The following SCAMP1 variants were observed in gnomAD, a reference collection of about 807,000 sequenced individuals.
The protein encoded by SCAMP1 is secretory carrier membrane protein 1.
A neutral mutation model predicts 41.8 loss-of-function variants in SCAMP1; 15 were observed. That is an observed-to-expected ratio of 0.36 (90% CI 0.24 to 0.55). SCAMP1 has a LOEUF of 0.55. SCAMP1 is among the 20% of genes least tolerant of loss of function. The pLI is 0.86. For synonymous variants in SCAMP1, 135 were observed against 136.8 expected, an observed-to-expected ratio of 0.99 and a Z score of 0.09; for missense variants, 341 against 412.6, an observed-to-expected ratio of 0.83 and a Z score of 1.50.
chr5:78,436,631 T>A (rs1022490131), intron 6 of SCAMP1, among the ~76,000 whole-genome samples: 3 of 152,248 alleles, frequency 2.0e-5, no homozygotes, highest in Non-Finnish European at 4.4e-5. Context: ...TGTAGCCTTG[T>A]AGTATAGTTT....
At chr5:78,426,531 A>T (rs1752475005) in intron 6 of SCAMP1, among the ~76,000 whole-genome samples, 1 of 152,182 alleles carries the variant, frequency 6.6e-6, no homozygotes, top group Admixed American at 6.5e-5. Flanking sequence ...GCGTTTCTCT[A>T]ATGACCAGTG....
intron 6 of SCAMP1, among the ~76,000 whole-genome samples, chr5:78,436,852 A>G (rs1752770182): frequency 6.6e-6 from 1 of 152,298 alleles, no homozygotes; most frequent in East Asian, 1.9e-4. Flanking sequence ...CTTCCTATAC[A>G]TGGGCATGGA....
chr5:78,441,356 A>G (rs963045346), intron 6 of SCAMP1, among the ~76,000 whole-genome samples: 1 of 152,214 alleles, frequency 6.6e-6, no homozygotes, highest in Non-Finnish European at 1.5e-5. Flanking sequence ...TAAAGTTTTG[A>G]TAGTTGATTT....
intron 2 of SCAMP1, among the ~76,000 whole-genome samples, chr5:78,408,441 C>T (rs907738334): frequency 1.1e-4 from 17 of 152,266 alleles, no homozygotes; most frequent in African/African-American, 4.1e-4. Context: ...ACCCATGTCA[C>T]CTGGTTTTAA....
chr5:78,414,160 T>C (rs574166475), intron 2 of SCAMP1, among the ~76,000 whole-genome samples: 2 of 152,182 alleles, frequency 1.3e-5, no homozygotes, highest in Admixed American at 1.3e-4. Context: ...CCGTCTGATA[T>C]CAGGTGGCCG....
At chr5:78,408,634 T>G (rs1751992371) in intron 2 of SCAMP1, among the ~76,000 whole-genome samples, 1 of 152,152 alleles carries the variant, frequency 6.6e-6, no homozygotes, top group Admixed American at 6.6e-5. Flanking sequence ...AGGATCTTGC[T>G]CTGTTGCCTA....
intron 6 of SCAMP1, among the ~76,000 whole-genome samples, chr5:78,422,340 C>T (rs1161697788): frequency 6.7e-6 from 1 of 150,186 alleles, no homozygotes; most frequent in Non-Finnish European, 1.5e-5. Flanking sequence ...TTAAATTAAC[C>T]TAAGTAAGGT....
At chr5:78,376,405 G>A (rs999718726) in intron 1 of SCAMP1, among the ~76,000 whole-genome samples, 3 of 152,190 alleles carry the variant, frequency 2.0e-5, no homozygotes, top group Admixed American at 2.0e-4. Context: ...CAGGTGTATA[G>A]CACATCTATA....
chr5:78,467,924 A>G (rs1753785933), intron 8 of SCAMP1, among the ~76,000 whole-genome samples: 1 of 152,212 alleles, frequency 6.6e-6, no homozygotes, highest in Non-Finnish European at 1.5e-5. Flanking sequence ...GGTATGTAGC[A>G]GTATTTATAA....
intron 7 of SCAMP1, among the ~76,000 whole-genome samples, chr5:78,454,569 G>A (rs1314016593): frequency 6.6e-6 from 1 of 151,998 alleles, no homozygotes; most frequent in Non-Finnish European, 1.5e-5. Flanking sequence ...TTGATGTGCT[G>A]CTGGATTCGT....
intron 6 of SCAMP1, among the ~76,000 whole-genome samples, chr5:78,425,426 C>T (rs1269699683): frequency 6.6e-6 from 1 of 152,174 alleles, no homozygotes; most frequent in Non-Finnish European, 1.5e-5. Context: ...AATTTTTGCT[C>T]ATTCTCTAGC....
chr5:78,425,355 T>G (rs1255431247), intron 6 of SCAMP1, among the ~76,000 whole-genome samples: 3 of 152,230 alleles, frequency 2.0e-5, no homozygotes, highest in Non-Finnish European at 4.4e-5. Context: ...TCAATACCGC[T>G]GAAGCACTGG....
chr5:78,443,377 A>G (rs1211504436), intron 6 of SCAMP1, among the ~76,000 whole-genome samples: 1 of 152,042 alleles, frequency 6.6e-6, no homozygotes, highest in East Asian at 1.9e-4. Context: ...TGGGTGTTGT[A>G]AGGTTTGAAT....
intron 2 of SCAMP1, among the ~76,000 whole-genome samples, chr5:78,406,377 T>C (rs1205436613): frequency 6.6e-6 from 1 of 152,090 alleles, no homozygotes; most frequent in African/African-American, 2.4e-5. Context: ...TGTTTTTTGG[T>C]TTAGAGATGG....
At chr5:78,452,270 G>C (rs1169990652) in intron 7 of SCAMP1, among the ~76,000 whole-genome samples, 2 of 147,624 alleles carry the variant, frequency 1.4e-5, no homozygotes, top group Admixed American at 6.8e-5. Context: ...TGCCATGCTG[G>C]TGCGCTGCAC....
chr5:78,448,144 T>C (rs185643897), intron 6 of SCAMP1, among the ~76,000 whole-genome samples: 34 of 63,474 alleles, frequency 5.4e-4, no homozygotes, highest in Admixed American at 1.4e-3. Flanking sequence ...CTTCCTCCTC[T>C]TCTTCTTCCT....
At chr5:78,377,782 C>G (rs1484066570) in intron 1 of SCAMP1, among the ~76,000 whole-genome samples, 1 of 152,170 alleles carries the variant, frequency 6.6e-6, no homozygotes, top group Non-Finnish European at 1.5e-5. Context: ...TCACCTGTCA[C>G]TTATTTGAGT....
At chr5:78,362,054 T>TA (rs769236769) in intron 1 of SCAMP1, among the ~76,000 whole-genome samples, 6 of 152,224 alleles carry the variant, frequency 3.9e-5, no homozygotes, top group Non-Finnish European at 4.4e-5. Context: ...AACTGGCCTG[T>TA]ACCTTTCAGT....
At chr5:78,468,770 G>A (rs562288998) in intron 8 of SCAMP1, among the ~76,000 whole-genome samples, 2 of 152,108 alleles carry the variant, frequency 1.3e-5, no homozygotes, top group Admixed American at 6.5e-5. Context: ...TTGTGGGAGC[G>A]CTGAATTGGG....
Sources: allele counts gnomAD v4.1 joint callset (sites outside exome capture counted in the v4.1 genomes callset), GRCh38; gene constraint gnomAD v4.1.1; transcripts MANE v1.5; gene names NCBI Gene and HGNC (gene_info 2026-07-23, HGNC 2026-07-21).